Variants in TNIK observed in about 807,000 individuals in gnomAD.
TNIK encodes TRAF2 and NCK interacting kinase, also known as TRAF2 and NCK-interacting protein kinase.
TNIK carries 49 observed loss-of-function variants against 191.3 expected under a neutral mutation model. The ratio of observed to expected loss-of-function variants is 0.26; its 90% CI spans 0.20 to 0.32. TNIK has a LOEUF of 0.32. Ranked by LOEUF, TNIK falls within the 10% of genes least tolerant of loss-of-function variation. The pLI is 1.00. For missense variants in TNIK, 1,155 were observed against 1,702.3 expected (o/e 0.68, Z 5.66); for synonymous variants, 594 against 600.9 (o/e 0.99, Z 0.17).
rs1192625379 is a variant in TNIK, at chr3:171,060,395, T to G, written c.*3486A>C. Among the ~76,000 whole-genome samples the G allele has an allele frequency of 6.6e-6, 1 of 152,074 alleles. No homozygotes were observed. The highest frequency in any genetic ancestry group is 1.5e-5 in the Non-Finnish European group (1 of 68,006). On this transcript the variant is annotated 3_prime_UTR_variant, in exon 33 of 33. Transcript: ENST00000436636. ...GTTTTGACAACCAGGAACTAAGGTG[T>G]TTTTAAAAAACATGTACTTGATGCA...
In TNIK at chr3:171,343,818, A is replaced by G. The variant is rs564185224; in HGVS notation, c.123+25802T>C. Among the ~76,000 whole-genome samples, 2 of 152,302 alleles carry G rather than the reference A, an allele frequency of 1.3e-5. 1 individual carries two copies. Among genetic ancestry groups the G allele is most frequent in the East Asian group, 3.9e-4 (2 of 5,186 alleles). On this transcript the variant is annotated intron_variant, in intron 2 of 32. Transcript: ENST00000436636. ...ATGTATCATCACAACCAAGTAGGTT[A>G]TTATTAAAGAGGTGTTTGGTGGTTT...
intron 6 of TNIK, 109 bp downstream of exon 6, chr3:171,190,588 G>A: frequency 1.3e-6 from 1 of 787,020 alleles, no homozygotes; most frequent in Non-Finnish European, 1.9e-6. Flanking sequence ...CATTTTTAGG[G>A]CAATGCTCTC....
chr3:171,170,046 T>C (rs190507125), intron 9 of TNIK, among the ~76,000 whole-genome samples: 5 of 152,350 alleles, frequency 3.3e-5, no homozygotes, highest in East Asian at 1.9e-4. Flanking sequence ...ACTTCACCTA[T>C]GTTGAATATT....
At chr3:171,425,144 T>C (rs1296944763) in intron 1 of TNIK, among the ~76,000 whole-genome samples, 2 of 152,206 alleles carry the variant, frequency 1.3e-5, no homozygotes, top group Non-Finnish European at 2.9e-5. Flanking sequence ...TTAATTTGCG[T>C]GTTTTGGAGC....
Position 171,140,401 on chromosome 3 carries a change from G to C in TNIK, c.1330C>G (p.Gln444Glu). The C allele has an allele frequency of 1.9e-6, 3 of 1,586,984 alleles. No individual in the cohort carries two copies. Among genetic ancestry groups the C allele is most frequent in the Non-Finnish European group, 2.6e-6 (3 of 1,166,620 alleles). The change falls in exon 13 of 33, where the codon CAG becomes GAG. Residue 444 changes from glutamine to glutamate, a missense_variant and splice_region_variant. Gln to Glu is a conservative substitution (Grantham distance 29). Coordinates refer to ENST00000436636, the MANE Select transcript of TNIK (RefSeq NM_015028.4). The part of the protein sequence containing the change: ...EEERRRAEHE[Q>E]EYIRRQLEEE... ...GGGGCTCCTGGTCCCAGCTGTACCT[G>C]TTCATGCTCCGCACGCCTCCTCTCC...
intron 1 of TNIK, among the ~76,000 whole-genome samples, chr3:171,399,661 A>C (rs1021958555): frequency 6.6e-6 from 1 of 152,230 alleles, no homozygotes; most frequent in Non-Finnish European, 1.5e-5. Context: ...ATTACCAAAA[A>C]ACAAAAAAGG....
At chr3:171,268,126 T>C (rs1388704207) in intron 2 of TNIK, among the ~76,000 whole-genome samples, 2 of 152,182 alleles carry the variant, frequency 1.3e-5, no homozygotes, top group Non-Finnish European at 2.9e-5. Flanking sequence ...CCCCTCCTCA[T>C]AGAATATTAT....
intron 22 of TNIK, among the ~76,000 whole-genome samples, chr3:171,097,470 G>GTAACT (rs1553807365): frequency 1.3e-5 from 2 of 152,236 alleles, no homozygotes; most frequent in Non-Finnish European, 2.9e-5. Context: ...ATCTTGAATT[G>GTAACT]TAACTTCCAT....
At chr3:171,256,563 A>C (rs1175698131) in intron 2 of TNIK, among the ~76,000 whole-genome samples, 1 of 152,220 alleles carries the variant, frequency 6.6e-6, no homozygotes, top group African/African-American at 2.4e-5. Context: ...GAGCTACTTC[A>C]TAAACACTTT....
chr3:171,200,648 G>C (rs60547908), intron 4 of TNIK, among the ~76,000 whole-genome samples: 1 of 151,956 alleles, frequency 6.6e-6, no homozygotes, highest in East Asian at 1.9e-4. Context: ...CTGAGTCAGC[G>C]CTTGAGGTTA....
At chr3:171,230,287 T>A (rs903551520) in intron 2 of TNIK, among the ~76,000 whole-genome samples, 5 of 152,212 alleles carry the variant, frequency 3.3e-5, no homozygotes, top group African/African-American at 1.2e-4. Context: ...ATCAACAGCT[T>A]TGTAACCAAC....
intron 1 of TNIK, among the ~76,000 whole-genome samples, chr3:171,439,110 C>T (rs933919476): frequency 7.9e-5 from 12 of 152,024 alleles, no homozygotes; most frequent in Admixed American, 5.2e-4. Context: ...TTTGGGAGGC[C>T]GAGGCAGGCG....
intron 2 of TNIK, among the ~76,000 whole-genome samples, chr3:171,297,995 T>C (rs973480781): frequency 1.3e-5 from 2 of 152,232 alleles, no homozygotes; most frequent in African/African-American, 4.8e-5. Context: ...TTTAGTTCCT[T>C]ACAATATAGA....
At chr3:171,133,043 T>C (rs1055205245) in intron 15 of TNIK, among the ~76,000 whole-genome samples, 3 of 152,190 alleles carry the variant, frequency 2.0e-5, no homozygotes, top group East Asian at 1.9e-4. Context: ...AGTAATATCG[T>C]TGGGCAAAAC....
chr3:171,357,796 C>T (rs1200140417), intron 2 of TNIK, among the ~76,000 whole-genome samples: 1 of 152,106 alleles, frequency 6.6e-6, no homozygotes, highest in Non-Finnish European at 1.5e-5. Flanking sequence ...AGGAAGGGCA[C>T]AGCACGGATA....
chr3:171,118,798 T>A (rs1727181488), intron 18 of TNIK, among the ~76,000 whole-genome samples: 1 of 152,132 alleles, frequency 6.6e-6, no homozygotes, highest in African/African-American at 2.4e-5. Flanking sequence ...TCAAGATGGA[T>A]TAAAGACTTA....
intron 1 of TNIK, among the ~76,000 whole-genome samples, chr3:171,420,912 G>A (rs765575620): frequency 2.0e-5 from 3 of 152,136 alleles, no homozygotes; most frequent in Non-Finnish European, 4.4e-5. Context: ...GACAGCTTGA[G>A]ATTTCATCAT....
chr3:171,459,775 C>G (rs2108752967), intron 1 of TNIK, among the ~76,000 whole-genome samples: 1 of 152,058 alleles, frequency 6.6e-6, no homozygotes, highest in African/African-American at 2.4e-5. Flanking sequence ...TACGAGCCCT[C>G]GGGAGAGCCT....
intron 18 of TNIK, among the ~76,000 whole-genome samples, chr3:171,114,249 C>CAGTT (rs1304581053): frequency 1.3e-5 from 2 of 152,128 alleles, no homozygotes; most frequent in African/African-American, 4.8e-5. Context: ...ACTTTGTTAA[C>CAGTT]AGTTATCATA....
Sources: gnomAD v4.1 joint callset for allele counts (sites outside exome capture counted in the v4.1 genomes callset) on GRCh38, gnomAD v4.1.1 for gene constraint, MANE v1.5 for transcripts, NCBI Gene and HGNC (gene_info 2026-07-23, HGNC 2026-07-21) for gene names.